Variants in ACSM3 observed in about 807,000 individuals in gnomAD.
ACSM3 encodes acyl-coenzyme A synthetase ACSM3, mitochondrial.
A neutral mutation model predicts 74.1 loss-of-function variants in ACSM3; 61 were observed. The ratio of observed to expected loss-of-function variants is 0.82; its 90% CI spans 0.67 to 1.02. The LOEUF is 1.02. ACSM3 is among the 50% of genes least tolerant of loss of function. ACSM3 has a pLI of 0.00. For missense variants in ACSM3, 660 were observed against 697.0 expected (o/e 0.95, Z 0.60); for synonymous variants, 213 against 241.5 (o/e 0.88, Z 1.09).
rs566658069 is a variant in ACSM3, at chr16:20,747,805, A to G, written c.-189-2105A>G. Among the ~76,000 whole-genome samples the G allele has an allele frequency of 6.6e-5, 10 of 152,324 alleles. No individual in the cohort carries two copies. The East Asian group carries it at 1.9e-3, about 29-fold the overall frequency. On this transcript the variant is annotated intron_variant, in intron 1 of 3. Transcript: ENST00000561584. ...GCAGAACACTAGTCTTGAGTAAAAC[A>G]CTGATATAAGAAATATAAATTTCAG...
chr16:20,730,326 T>C (rs761166952), intron 1 of ACSM3, among the ~76,000 whole-genome samples: 16 of 152,228 alleles, frequency 1.1e-4, no homozygotes, highest in Non-Finnish European at 2.1e-4. Flanking sequence ...ACAAGGCAGA[T>C]AGAAAATTGT....
chr16:20,794,732 T>A (rs758965647), intron 12 of ACSM3, among the ~76,000 whole-genome samples: 29 of 152,234 alleles, frequency 1.9e-4, no homozygotes, highest in Non-Finnish European at 3.5e-4. Context: ...TCTATGCTAA[T>A]TCATTTAATC....
At position 20,792,234 on chromosome 16, in the gene ACSM3, A is replaced by G; in HGVS notation, c.1455-2A>G. On this transcript the variant is annotated splice_acceptor_variant, in intron 11 of 13. Transcript: ENST00000289416. LOFTEE classifies it high-confidence loss of function. ...ATGTATTCCTGCCATATGTGTTTCTAGCTATCGAATTGGACCATTTGAGGT... is the reference window on the plus strand; with the variant it reads ...ATGTATTCCTGCCATATGTGTTTCTGGCTATCGAATTGGACCATTTGAGGT... 1 of 1,614,118 alleles carries G rather than the reference A, an allele frequency of 6.2e-7. No individual in the cohort carries two copies. Among genetic ancestry groups the G allele is most frequent in the South Asian group, 1.1e-5 (1 of 91,088 alleles).
intron 7 of ACSM3, among the ~76,000 whole-genome samples, chr16:20,782,982 T>A (rs997234473): frequency 6.6e-6 from 1 of 152,170 alleles, no homozygotes; most frequent in African/African-American, 2.4e-5. Flanking sequence ...CTTCAGGGAT[T>A]TTTTTGGAGG....
upstream of ACSM3, among the ~76,000 whole-genome samples, chr16:20,762,925 A>G (rs2080089391): frequency 6.6e-6 from 1 of 152,226 alleles, no homozygotes; most frequent in Non-Finnish European, 1.5e-5. Context: ...AGCCTGCGCA[A>G]TAAGGCAAGA....
intron 10 of ACSM3, among the ~76,000 whole-genome samples, chr16:20,791,425 C>A (rs941871946): frequency 6.6e-6 from 1 of 152,222 alleles, no homozygotes; most frequent in Non-Finnish European, 1.5e-5. Flanking sequence ...TTAGTTTACT[C>A]CTCTGAGCTA....
At chr16:20,762,600 G>A (rs536133367), upstream of ACSM3, among the ~76,000 whole-genome samples, 79 of 152,146 alleles carry the variant, frequency 5.2e-4, no homozygotes, top group Non-Finnish European at 9.8e-4. Flanking sequence ...TTCCAGGGAG[G>A]CAAGGCTGGT....
At chr16:20,725,400 TC>T in intron 1 of ACSM3, 1 of 245,524 alleles carries the variant, frequency 4.1e-6, no homozygotes. Context: ...TGTGCAGCCC[TC>T]CCACCATGTA....
chr16:20,735,374 GTGT>G (rs1422464796), intron 1 of ACSM3: 1 of 93,708 alleles, frequency 1.1e-5, no homozygotes, highest in Admixed American at 1.0e-4. Context: ...TTTGTTTTGG[GTGT>G]TTTTTTTTTT....
intron 1 of ACSM3, chr16:20,734,814 A>AT (rs1235595162): frequency 6.6e-6 from 1 of 152,194 alleles, no homozygotes; most frequent in African/African-American, 2.4e-5. Flanking sequence ...GAATACTCTT[A>AT]TTTCACAGAA....
chr16:20,753,688 C>G (rs952473824), intron 2 of ACSM3, among the ~76,000 whole-genome samples: 1 of 151,840 alleles, frequency 6.6e-6, no homozygotes, highest in African/African-American at 2.4e-5. Flanking sequence ...GTAAAAGCTG[C>G]AGATACAGAC....
At chr16:20,687,731 T>C (rs1320337854) in intron 1 of ACSM3, among the ~76,000 whole-genome samples, 2 of 151,910 alleles carry the variant, frequency 1.3e-5, no homozygotes, top group African/African-American at 4.8e-5. Context: ...TAAAGGAAAT[T>C]AGAAAAACTA....
chr16:20,690,524 G>C (rs1010108698), intron 1 of ACSM3, among the ~76,000 whole-genome samples: 1 of 152,186 alleles, frequency 6.6e-6, no homozygotes, highest in Non-Finnish European at 1.5e-5. Flanking sequence ...AAGATGGATG[G>C]CCTAACATAG....
chr16:20,702,212 C>T (rs2079714610), intron 1 of ACSM3, among the ~76,000 whole-genome samples: 1 of 152,100 alleles, frequency 6.6e-6, no homozygotes, highest in Non-Finnish European at 1.5e-5. Context: ...CTGTTGTTTC[C>T]TGACTTTTCT....
intron 12 of ACSM3, among the ~76,000 whole-genome samples, chr16:20,795,569 G>T (rs1250080126): frequency 1.3e-5 from 2 of 152,212 alleles, no homozygotes; most frequent in Non-Finnish European, 2.9e-5. Flanking sequence ...AATTTAATAA[G>T]ATTTCAGGCA....
chr16:20,771,255 T>C (rs2080189933), intron 2 of ACSM3, among the ~76,000 whole-genome samples: 1 of 152,180 alleles, frequency 6.6e-6, no homozygotes, highest in African/African-American at 2.4e-5. Context: ...GAGACAGGGT[T>C]TTGCCATGTT....
intron 9 of ACSM3, chr16:20,789,394 TAATA>T: frequency 1.0e-6 from 1 of 986,270 alleles, no homozygotes; most frequent in South Asian, 1.3e-5. Context: ...ATTAAGTACT[TAATA>T]AATGCTAGCT....
chr16:20,694,552 A>C (rs548541584), intron 1 of ACSM3, among the ~76,000 whole-genome samples: 1 of 152,180 alleles, frequency 6.6e-6, no homozygotes, highest in Non-Finnish European at 1.5e-5. Flanking sequence ...CAATTTTTCT[A>C]TGCAGGTGTC....
intron 1 of ACSM3, chr16:20,682,133 C>T: frequency 1.1e-6 from 1 of 899,074 alleles, no homozygotes. Context: ...GGATGTTAAT[C>T]TGACTGGGCT....
Sources: gnomAD v4.1 joint callset for allele counts (sites outside exome capture counted in the v4.1 genomes callset) on GRCh38, gnomAD v4.1.1 for gene constraint, MANE v1.5 for transcripts, NCBI Gene and HGNC (gene_info 2026-07-23, HGNC 2026-07-21) for gene names.